Variants in KCTD1 observed in about 807,000 individuals in gnomAD.
The protein encoded by KCTD1 is BTB/POZ domain-containing protein KCTD1.
Under a neutral mutation model 66.0 loss-of-function variants are expected in KCTD1, and 24 were observed. That is an observed-to-expected ratio of 0.36 (90% CI 0.26 to 0.51). KCTD1 has a LOEUF of 0.51. Among genes scored for constraint, KCTD1 ranks in the 20% least tolerant of loss-of-function variants. The pLI is 0.95. For synonymous variants in KCTD1, 511 were observed against 517.2 expected (o/e 0.99, Z 0.16); for missense variants, 943 against 1,205.2 (o/e 0.78, Z 3.22).
At chr18:26,530,724 G>A (rs1984395475) in intron 1 of KCTD1, among the ~76,000 whole-genome samples, 1 of 152,248 alleles carries the variant, frequency 6.6e-6, no homozygotes, top group East Asian at 1.9e-4. Context: ...TTAATCGTCT[G>A]ACCCTGCAGA....
chr18:26,651,561 A>G (rs556032219), intron 1 of KCTD1, among the ~76,000 whole-genome samples: 1 of 152,194 alleles, frequency 6.6e-6, no homozygotes, highest in Admixed American at 6.5e-5. Context: ...AGGTGGGCGG[A>G]TCACTTGAGG....
At chr18:26,466,679 C>T (rs1439312779) in intron 3 of KCTD1, among the ~76,000 whole-genome samples, 2 of 152,174 alleles carry the variant, frequency 1.3e-5, no homozygotes, top group East Asian at 1.9e-4. Flanking sequence ...ATGCAACTCA[C>T]CTTGATACAA....
chr18:26,481,240 TG>T (rs1035724506), intron 2 of KCTD1, among the ~76,000 whole-genome samples: 1 of 152,144 alleles, frequency 6.6e-6, no homozygotes, highest in African/African-American at 2.4e-5. Flanking sequence ...TGTGATCAAG[TG>T]TGTCACTGGG....
At chr18:26,472,003 C>T (rs770587899) in intron 3 of KCTD1, among the ~76,000 whole-genome samples, 20 of 151,652 alleles carry the variant, frequency 1.3e-4, no homozygotes, top group Non-Finnish European at 2.2e-4. Flanking sequence ...ACGTGGGAGG[C>T]GAAGAAGAGG....
chr18:26,458,479 G>C (rs887577336), intron 4 of KCTD1: 2 of 152,130 alleles, frequency 1.3e-5, no homozygotes, highest in South Asian at 2.1e-4. Context: ...TGTGTCACAC[G>C]GAGCTGGAAT....
rs1568003857 is a variant in KCTD1, at chr18:26,593,644, AAGGAAGAGG to A, written c.-16+35494_-16+35502del. Reference sequence around the variant, plus strand: ...GGAGGAGGAAGATGAGGAGGAAGAGAAGGAAGAGGAGGAAGAGGAGGAGGAGGAAGATGA... The same window carrying A: ...GGAGGAGGAAGATGAGGAGGAAGAGAAGGAAGAGGAGGAGGAGGAAGATGA... On this transcript the variant is annotated intron_variant, in intron 1 of 4. Coordinates refer to the KCTD1 transcript ENST00000317932. Among the ~76,000 whole-genome samples the A allele has an allele frequency of 3.5e-4, 13 of 37,232 alleles. 1 individual carries two copies. Among genetic ancestry groups the A allele is most frequent in the Non-Finnish European group, 1.6e-4 (3 of 19,108 alleles). The allele number at this position is 37,232 out of a possible 152,430, so 24.4% of individuals were successfully genotyped here.
In KCTD1 at chr18:26,548,396, A is replaced by T. The variant is rs1322302140; in HGVS notation, c.141T>A (p.Arg47=). The T allele has an allele frequency of 6.2e-6, 9 of 1,442,078 alleles. No individual in the cohort carries two copies. Among genetic ancestry groups the T allele is most frequent in the Non-Finnish European group, 8.2e-6 (9 of 1,096,926 alleles). 89.3% of individuals were successfully genotyped at this position (1,442,078 alleles called of 1,614,324 possible). The change falls in exon 1 of 5, where the codon CGT becomes CGA. Residue 47 remains arginine, a synonymous_variant. Transcript: ENST00000580059. ...CCTCGCCCGCGCTGCAGTAGTGCGG[A>T]CGGCTGTGGCGGCGGCCGCGGCCCC... ...GAGGRGRRHS[R]PHYCSAGEEE...
At chr18:26,526,655 G>A (rs754171875) in intron 1 of KCTD1, among the ~76,000 whole-genome samples, 5 of 152,124 alleles carry the variant, frequency 3.3e-5, no homozygotes, top group Non-Finnish European at 7.3e-5. Context: ...CCTCTGCTCC[G>A]CTGCCTCCTT....
intron 1 of KCTD1, among the ~76,000 whole-genome samples, chr18:26,590,347 C>A (rs1413950403): frequency 1.3e-5 from 2 of 151,952 alleles, no homozygotes; most frequent in African/African-American, 2.4e-5. Flanking sequence ...CCTTGGCTAC[C>A]CAAAATGCTG....
chr18:26,550,664 C>T (rs1223745405), upstream of KCTD1, among the ~76,000 whole-genome samples: 1 of 152,110 alleles, frequency 6.6e-6, no homozygotes, highest in East Asian at 1.9e-4. This position sits in a 1 kb window ranked among gnomAD's most constrained non-coding sequence, Gnocchi z 5.4. Context: ...CCCCGAGGTG[C>T]GGCGCGGGAG....
chr18:26,618,155 T>C (rs1383523772), intron 1 of KCTD1, among the ~76,000 whole-genome samples: 2 of 152,146 alleles, frequency 1.3e-5, no homozygotes. Flanking sequence ...GCAAGTCTTT[T>C]TATCTTTCTA....
Position 26,514,378 on chromosome 18 carries a change from C to T in KCTD1, c.1810-13128G>A, listed in dbSNP as rs191312967. ...GACCAGCCTGGGCAACACAGTGAGACCCTGTCTCTAAAAAGATTAAAAAAC... is the reference window on the plus strand; with the variant it reads ...GACCAGCCTGGGCAACACAGTGAGATCCTGTCTCTAAAAAGATTAAAAAAC... On this transcript the variant is annotated intron_variant, in intron 1 of 4. Transcript: ENST00000580059. Among the ~76,000 whole-genome samples, 287 of 151,978 alleles carry T rather than the reference C, an allele frequency of 1.9e-3. 3 individuals carry two copies. The highest frequency in any genetic ancestry group is 6.6e-3 in the African/African-American group (274 of 41,440).
At chr18:26,458,259 T>C (rs1265196219) in intron 4 of KCTD1, 1 of 152,266 alleles carries the variant, frequency 6.6e-6, no homozygotes, top group East Asian at 1.9e-4. Context: ...TTTTCTGCTC[T>C]TCTGTTCTCA....
intron 2 of KCTD1, among the ~76,000 whole-genome samples, chr18:26,497,944 GA>G (rs1272104747): frequency 6.6e-6 from 1 of 152,196 alleles, no homozygotes; most frequent in African/African-American, 2.4e-5. Flanking sequence ...CCATGGCTAG[GA>G]AAGCAAGAAA....
chr18:26,642,150 G>C (rs1223535486), upstream of KCTD1, among the ~76,000 whole-genome samples: 3 of 152,098 alleles, frequency 2.0e-5, no homozygotes, highest in African/African-American at 7.2e-5. Flanking sequence ...TTCTTTGTGG[G>C]GATGTGACAG....
At chr18:26,524,402 C>A (rs570339643) in intron 1 of KCTD1, among the ~76,000 whole-genome samples, 1 of 152,160 alleles carries the variant, frequency 6.6e-6, no homozygotes, top group Non-Finnish European at 1.5e-5. Context: ...TGTTTTATTT[C>A]GAAACACTCT....
rs148346431 is a variant in KCTD1, at chr18:26,616,478, T to TATATAC, written c.-16+12668_-16+12669insGTATAT. On this transcript the variant is annotated intron_variant, in intron 1 of 4. Coordinates refer to the KCTD1 transcript ENST00000317932. Reference sequence around the variant, plus strand: ...CCTTACATACATATATATATATATATACACACACACATATATGTATACATA... The same window carrying TATATAC: ...CCTTACATACATATATATATATATATATATACACACACACACATATATGTATACATA... Among the ~76,000 whole-genome samples the TATATAC allele has an allele frequency of 7.6e-3, 1,134 of 148,700 alleles. 4 individuals are homozygous for TATATAC. The highest frequency in any genetic ancestry group is 0.011 in the South Asian group (51 of 4,674).
In KCTD1 at chr18:26,548,435, G is replaced by T. The variant is rs2144842833; in HGVS notation, c.102C>A (p.Gly34=). The part of the protein sequence containing the change: ...AAENNGERGE[G]ERGAGGRGRR... ...GGCCGCGGCCCCCCGCGCCGCGCTC[G>T]CCCTCGCCCCGCTCCCCATTGTTCT... is the stretch of plus-strand genomic sequence containing the variant. Residue 34 remains glycine, a synonymous_variant, in exon 1 of 5, where the codon GGC becomes GGA. Transcript: ENST00000580059. The T allele has an allele frequency of 7.3e-7, 1 of 1,368,588 alleles. No homozygotes were observed. Among genetic ancestry groups the T allele is most frequent in the Non-Finnish European group, 9.4e-7 (1 of 1,062,428 alleles). The allele number at this position is 1,368,588 out of a possible 1,614,324, so 84.8% of individuals were successfully genotyped here.
At chr18:26,558,918 G>A (rs1029531435) in intron 1 of KCTD1, among the ~76,000 whole-genome samples, 13 of 151,280 alleles carry the variant, frequency 8.6e-5, no homozygotes, top group Middle Eastern at 3.4e-3. Flanking sequence ...GCAAGACTCC[G>A]TCTCAAAAAG....
Sources: gnomAD v4.1 joint callset for allele counts (sites outside exome capture counted in the v4.1 genomes callset) on GRCh38, gnomAD v4.1.1 for gene constraint, Gnocchi (gnomAD v3.1) non-coding constraint, MANE v1.5 for transcripts, NCBI Gene and HGNC (gene_info 2026-07-23, HGNC 2026-07-21) for gene names.